Variants in EML6 observed in about 807,000 individuals in gnomAD.
EML6 encodes echinoderm microtubule-associated protein-like 6.
Under a neutral mutation model 240.1 loss-of-function variants are expected in EML6, and 154 were observed. The ratio of observed to expected loss-of-function variants is 0.64; its 90% CI spans 0.56 to 0.73. The LOEUF is 0.73. EML6 is among the 30% of genes least tolerant of loss of function. The probability of loss-of-function intolerance (pLI) is 0.00; values close to 1 mark genes in which losing one functional copy is unlikely to be tolerated. For synonymous variants in EML6, 1,148 were observed against 899.0 expected (o/e 1.28, Z -4.95); for missense variants, 2,964 against 2,474.6 (o/e 1.20, Z -4.20).
At chr2:54,803,361 A>G (rs767942658) in intron 2 of EML6, among the ~76,000 whole-genome samples, 54 of 152,178 alleles carry the variant, frequency 3.5e-4, no homozygotes, top group Non-Finnish European at 6.2e-4. Context: ...TGTCAGCTAG[A>G]GGAGTCAATG....
intron 2 of EML6, among the ~76,000 whole-genome samples, chr2:54,810,990 A>T (rs911985415): frequency 6.6e-6 from 1 of 152,150 alleles, no homozygotes; most frequent in African/African-American, 2.4e-5. Flanking sequence ...TTGCCCGCAC[A>T]AAATCTTCTG....
intron 28 of EML6, among the ~76,000 whole-genome samples, chr2:54,935,442 A>G (rs1675086337): frequency 6.6e-6 from 1 of 152,216 alleles, no homozygotes; most frequent in Non-Finnish European, 1.5e-5. Context: ...ACTTTTGCGT[A>G]TGTTTTTATT....
At chr2:54,913,915 G>A (rs1271192166) in intron 25 of EML6, among the ~76,000 whole-genome samples, 4 of 152,174 alleles carry the variant, frequency 2.6e-5, no homozygotes, top group Non-Finnish European at 5.9e-5. Context: ...TTAACAGAGA[G>A]TCCTTTCCCC....
rs1428808621 is a variant in EML6 at position 54,724,149 on chromosome 2, G to C, written c.-514+372G>C. ...TGCACTAGTGCCTCGTTTCTTCCGA[G>C]TAAGACAATCTTTCATGATGCGGAT... is the stretch of plus-strand genomic sequence containing the variant. On this transcript the variant is annotated intron_variant, in intron 1 of 41. Transcript: ENST00000356458. This position sits in a 1 kb window ranked among gnomAD's most constrained non-coding sequence, Gnocchi z 5.2. Among the ~76,000 whole-genome samples, 1 of 152,110 alleles carries C rather than the reference G, an allele frequency of 6.6e-6. No individual in the cohort carries two copies. The highest frequency in any genetic ancestry group is 1.5e-5 in the Non-Finnish European group (1 of 68,020).
intron 4 of EML6, among the ~76,000 whole-genome samples, chr2:54,820,103 A>G (rs1668261832): frequency 6.6e-6 from 1 of 152,202 alleles, no homozygotes; most frequent in Non-Finnish European, 1.5e-5. Flanking sequence ...AATTTATCCT[A>G]AATTGTCCAT....
At chr2:54,859,190 G>A (rs1670544974) in intron 11 of EML6, among the ~76,000 whole-genome samples, 1 of 152,190 alleles carries the variant, frequency 6.6e-6, no homozygotes, top group East Asian at 1.9e-4. Context: ...CTGTTAAACA[G>A]GATTGCCTGT....
intron 2 of EML6, among the ~76,000 whole-genome samples, chr2:54,798,811 C>T (rs920672161): frequency 6.6e-6 from 1 of 152,152 alleles, no homozygotes; most frequent in Non-Finnish European, 1.5e-5. Context: ...CTAGGACCTG[C>T]AGGCTAATAA....
At chr2:54,731,451 G>A (rs1473416726) in intron 2 of EML6, among the ~76,000 whole-genome samples, 1 of 152,064 alleles carries the variant, frequency 6.6e-6, no homozygotes, top group East Asian at 1.9e-4. Context: ...ACCAGCCTGG[G>A]CAGCATAGGG....
At chr2:54,874,368 T>C (rs1182899944) in intron 16 of EML6, among the ~76,000 whole-genome samples, 1 of 152,192 alleles carries the variant, frequency 6.6e-6, no homozygotes, top group Non-Finnish European at 1.5e-5. Flanking sequence ...AGGAGCCCGA[T>C]TCTGTAACTG....
chr2:54,963,902 C>G, intron 36 of EML6, 84 bp from the exon 37 acceptor site: 1 of 1,343,020 alleles, frequency 7.4e-7, no homozygotes, highest in African/African-American at 1.5e-5. Context: ...GGCAGCCTGA[C>G]TTCTCTGGCC....
chr2:54,966,309 C>T (rs1409626783), intron 38 of EML6, among the ~76,000 whole-genome samples: 1 of 152,202 alleles, frequency 6.6e-6, no homozygotes, highest in Non-Finnish European at 1.5e-5. Context: ...GAGGTGGGAA[C>T]ATTGTTCCAG....
chr2:54,744,258 A>T (rs1266289469), intron 2 of EML6, among the ~76,000 whole-genome samples: 1 of 152,184 alleles, frequency 6.6e-6, no homozygotes, highest in Non-Finnish European at 1.5e-5. Context: ...GGAAGGACCC[A>T]TAATGGTGGT....
At chr2:54,893,506 A>C (rs1672590332) in intron 19 of EML6, among the ~76,000 whole-genome samples, 1 of 152,158 alleles carries the variant, frequency 6.6e-6, no homozygotes, top group Admixed American at 6.6e-5. Context: ...TCAACTCTGA[A>C]AGTTCCCACA....
chr2:54,899,994 T>G (rs1672971288), intron 22 of EML6, among the ~76,000 whole-genome samples: 1 of 152,212 alleles, frequency 6.6e-6, no homozygotes, highest in South Asian at 2.1e-4. Context: ...ATTTTTCACT[T>G]CATTTTCCTT....
chr2:54,812,509 T>A (rs1667899434), intron 2 of EML6, among the ~76,000 whole-genome samples: 1 of 122,650 alleles, frequency 8.2e-6, no homozygotes, highest in Admixed American at 9.2e-5. Context: ...ACACAATGAA[T>A]TTAAAACATT....
At chr2:54,806,602 A>C (rs960926933) in intron 2 of EML6, among the ~76,000 whole-genome samples, 1 of 116,332 alleles carries the variant, frequency 8.6e-6, no homozygotes, top group African/African-American at 3.4e-5. Context: ...AACAAGAGTG[A>C]CTCCGTCTCC....
At chr2:54,895,429 G>A (rs768014245) in intron 21 of EML6, 29 bp downstream of exon 21, 1 of 1,550,444 alleles carries the variant, frequency 6.4e-7, no homozygotes, top group South Asian at 1.2e-5. Flanking sequence ...CTAAACTGCA[G>A]TTCACATCAA....
intron 2 of EML6, among the ~76,000 whole-genome samples, chr2:54,799,529 A>G (rs938611864): frequency 2.6e-5 from 4 of 151,988 alleles, no homozygotes; most frequent in Admixed American, 6.6e-5. Context: ...TATTTTTAGT[A>G]GAGACAGGTT....
chr2:54,770,252 A>G (rs1668351666), intron 2 of EML6, among the ~76,000 whole-genome samples: 1 of 152,230 alleles, frequency 6.6e-6, no homozygotes, highest in Non-Finnish European at 1.5e-5. Context: ...TTTATCATCC[A>G]AACTGGGACA....
Sources: allele counts gnomAD v4.1 joint callset (sites outside exome capture counted in the v4.1 genomes callset), GRCh38; gene constraint gnomAD v4.1.1; non-coding constraint Gnocchi (gnomAD v3.1); transcripts MANE v1.5; gene names NCBI Gene and HGNC (gene_info 2026-07-23, HGNC 2026-07-21).